Variants in ZMAT4 observed in about 807,000 individuals in gnomAD.
ZMAT4 encodes the protein zinc finger matrin-type protein 4.
Under a neutral mutation model 28.7 loss-of-function variants are expected in ZMAT4, and 17 were observed. The observed-to-expected ratio is 0.59, with a 90% CI of 0.41 to 0.89. The LOEUF is 0.89. Ranked by LOEUF, ZMAT4 falls within the 40% of genes least tolerant of loss-of-function variation. The pLI, the probability that ZMAT4 is intolerant of heterozygous loss-of-function variation, is 0.00. For synonymous variants in ZMAT4, 117 were observed against 109.2 expected (o/e 1.07, Z -0.44); for missense variants, 240 against 283.8 (o/e 0.85, Z 1.11).
At chr8:40,683,287 A>T (rs956434122) in intron 4 of ZMAT4, among the ~76,000 whole-genome samples, 1 of 152,216 alleles carries the variant, frequency 6.6e-6, no homozygotes, top group East Asian at 1.9e-4. Flanking sequence ...TCTGAAAATC[A>T]GTTATTTCCC....
At chr8:40,647,545 T>C (rs56113051) in intron 5 of ZMAT4, among the ~76,000 whole-genome samples, 8,535 of 152,158 alleles carry the variant, frequency 0.056, 324 homozygotes, top group Non-Finnish European at 0.083. Flanking sequence ...ACAAAGCAGC[T>C]GGGAAGCTCG....
At chr8:40,865,384 G>A (rs548832479) in intron 1 of ZMAT4, among the ~76,000 whole-genome samples, 65 of 152,356 alleles carry the variant, frequency 4.3e-4, no homozygotes, top group Admixed American at 3.1e-3. Flanking sequence ...CATCACCACT[G>A]CAGCCTGTGC....
In ZMAT4 at chr8:40,638,379, C is replaced by T. The variant is rs115521275; in HGVS notation, c.577+36325G>A. Among the ~76,000 whole-genome samples, 664 of 152,322 alleles carry T rather than the reference C, an allele frequency of 4.4e-3. 7 individuals carry two copies. Among genetic ancestry groups the T allele is most frequent in the African/African-American group, 0.015 (631 of 41,566 alleles). ...AAAGATAAAGTTAAAACAATAGACA[C>T]ATCTTACATTTGTCTTTAATTTATA... On this transcript the variant is annotated intron_variant, in intron 5 of 6. Coordinates refer to ENST00000297737, the MANE Select transcript of ZMAT4 (RefSeq NM_024645.3).
At chr8:40,553,014 A>C (rs1803413280) in intron 6 of ZMAT4, among the ~76,000 whole-genome samples, 1 of 152,194 alleles carries the variant, frequency 6.6e-6, no homozygotes, top group Admixed American at 6.5e-5. Flanking sequence ...GATTGTAAAA[A>C]TTCAAAAAAT....
intron 5 of ZMAT4, among the ~76,000 whole-genome samples, chr8:40,613,841 C>A (rs1240104262): frequency 6.6e-6 from 1 of 152,186 alleles, no homozygotes; most frequent in Non-Finnish European, 1.5e-5. Flanking sequence ...CTCCAAAGGA[C>A]TTGGATGACT....
At chr8:40,684,027 C>G (rs1024674577) in intron 4 of ZMAT4, among the ~76,000 whole-genome samples, 1 of 151,316 alleles carries the variant, frequency 6.6e-6, no homozygotes, top group Non-Finnish European at 1.5e-5. Flanking sequence ...ATATTTGTGC[C>G]ACTGCATTCT....
At chr8:40,744,639 T>C (rs560662461) in intron 3 of ZMAT4, among the ~76,000 whole-genome samples, 35 of 152,258 alleles carry the variant, frequency 2.3e-4, no homozygotes, top group African/African-American at 8.4e-4. Context: ...CATTGAATGA[T>C]TAAGCAACAC....
At chr8:40,611,542 G>T (rs1585756108) in intron 5 of ZMAT4, among the ~76,000 whole-genome samples, 1 of 152,074 alleles carries the variant, frequency 6.6e-6, no homozygotes, top group Non-Finnish European at 1.5e-5. Flanking sequence ...GGGTTTCACT[G>T]TGTTAGCCAG....
chr8:40,762,772 G>T lies in ZMAT4; in HGVS notation c.192+4869C>A, dbSNP rs539009470. On this transcript the variant is annotated intron_variant, in intron 3 of 6. Transcript: ENST00000297737. ...TAGGCAAGGAAGAGGTTCTCAGTCAGACTTTCCAGAGGAAGGCCCTGCCCA... is the reference window on the plus strand; with the variant it reads ...TAGGCAAGGAAGAGGTTCTCAGTCATACTTTCCAGAGGAAGGCCCTGCCCA... Among the ~76,000 whole-genome samples, 168 of 152,212 alleles carry T rather than the reference G, an allele frequency of 1.1e-3. 1 individual carries two copies. The highest frequency in any genetic ancestry group is 1.3e-3 in the Non-Finnish European group (87 of 68,036).
chr8:40,665,253 T>G (rs1293914009), intron 5 of ZMAT4, among the ~76,000 whole-genome samples: 1 of 117,092 alleles, frequency 8.5e-6, no homozygotes, highest in Non-Finnish European at 2.0e-5. Flanking sequence ...AAACAAAAAA[T>G]GTAAAGCCTC....
chr8:40,598,870 G>A (rs1805194582), intron 5 of ZMAT4, among the ~76,000 whole-genome samples: 1 of 152,146 alleles, frequency 6.6e-6, no homozygotes, highest in Non-Finnish European at 1.5e-5. Flanking sequence ...TTGTTACGGG[G>A]TTTTCCTGAT....
chr8:40,643,123 A>G (rs1225469649), intron 5 of ZMAT4, among the ~76,000 whole-genome samples: 1 of 152,138 alleles, frequency 6.6e-6, no homozygotes, highest in Admixed American at 6.5e-5. Flanking sequence ...ACATTTCTCC[A>G]TGGCTGCCTT....
chr8:40,735,159 A>G (rs999744809), intron 3 of ZMAT4, among the ~76,000 whole-genome samples: 3 of 152,204 alleles, frequency 2.0e-5, no homozygotes, highest in African/African-American at 7.2e-5. Flanking sequence ...TAAAATCAAA[A>G]CAGTCAACTT....
intron 3 of ZMAT4, among the ~76,000 whole-genome samples, chr8:40,731,776 G>A (rs567206177): frequency 5.9e-5 from 9 of 152,266 alleles, no homozygotes; most frequent in Admixed American, 2.0e-4. Flanking sequence ...GCACACACAC[G>A]TTCACAGCAG....
intron 5 of ZMAT4, among the ~76,000 whole-genome samples, chr8:40,608,608 G>C (rs779533195): frequency 4.6e-5 from 7 of 152,146 alleles, no homozygotes; most frequent in Non-Finnish European, 1.0e-4. Flanking sequence ...AGGAAACTTC[G>C]TGTTCAGTCA....
intron 6 of ZMAT4, among the ~76,000 whole-genome samples, chr8:40,557,183 C>A (rs1275821452): frequency 1.3e-5 from 2 of 152,260 alleles, no homozygotes; most frequent in African/African-American, 4.8e-5. Flanking sequence ...GATACCTGCA[C>A]TCTCATGTTT....
chr8:40,650,026 A>C (rs79670629), intron 5 of ZMAT4, among the ~76,000 whole-genome samples: 85,544 of 151,482 alleles, frequency 0.56, 24,839 homozygotes, highest in East Asian at 0.69. Context: ...CTAGAAAAGC[A>C]AAAGCAAACA....
chr8:40,719,737 T>C (rs1435491768), intron 3 of ZMAT4, among the ~76,000 whole-genome samples: 1 of 152,118 alleles, frequency 6.6e-6, no homozygotes, highest in Non-Finnish European at 1.5e-5. Flanking sequence ...ACCCTGCTAA[T>C]TTTTGTATTT....
intron 1 of ZMAT4, among the ~76,000 whole-genome samples, chr8:40,842,389 G>C (rs944448398): frequency 6.6e-6 from 1 of 152,136 alleles, no homozygotes; most frequent in Non-Finnish European, 1.5e-5. Flanking sequence ...TTCCTTCAAG[G>C]GTCTTGTAAT....
Sources: allele counts gnomAD v4.1 joint callset (sites outside exome capture counted in the v4.1 genomes callset), GRCh38; gene constraint gnomAD v4.1.1; transcripts MANE v1.5; gene names NCBI Gene and HGNC (gene_info 2026-07-23, HGNC 2026-07-21).